Variants in CDH9 observed in about 807,000 individuals in gnomAD.
CDH9 encodes the protein cadherin 9.
CDH9 carries 28 observed loss-of-function variants against 70.9 expected under a neutral mutation model. The ratio of observed to expected loss-of-function variants is 0.40; its 90% confidence interval spans 0.29 to 0.54. CDH9 has a LOEUF of 0.54. Among genes scored for constraint, CDH9 ranks in the 20% least tolerant of loss-of-function variants. The pLI is 0.59. For synonymous variants in CDH9, 409 were observed against 343.1 expected (o/e 1.19, Z -2.12); for missense variants, 874 against 984.4 (o/e 0.89, Z 1.50).
chr5:26,980,395 T>C (rs1379720464), intron 2 of CDH9, among the ~76,000 whole-genome samples: 2 of 152,110 alleles, frequency 1.3e-5, no homozygotes, highest in East Asian at 3.9e-4. Flanking sequence ...GAATATTTAC[T>C]GAGTAAATTT....
intron 2 of CDH9, among the ~76,000 whole-genome samples, chr5:26,973,960 T>C (rs1742262644): frequency 6.6e-6 from 1 of 152,178 alleles, no homozygotes; most frequent in South Asian, 2.1e-4. Flanking sequence ...AAAGGCTGTC[T>C]ATAGCTGGGT....
chr5:26,954,410 A>G (rs886808569), intron 2 of CDH9, among the ~76,000 whole-genome samples: 1 of 2,498 alleles, frequency 4.0e-4, no homozygotes, highest in Non-Finnish European at 1.2e-3. Flanking sequence ...TTTGAGACAT[A>G]GTCTCGCTCT....
chr5:26,952,472 A>C (rs1461079403), intron 2 of CDH9, among the ~76,000 whole-genome samples: 1 of 133,038 alleles, frequency 7.5e-6, no homozygotes, highest in Non-Finnish European at 1.6e-5. Flanking sequence ...AAAAAAAAAA[A>C]AAAAAAAAAA....
chr5:26,891,399 C>A (rs1274450403), intron 7 of CDH9, among the ~76,000 whole-genome samples: 1 of 152,168 alleles, frequency 6.6e-6, no homozygotes, highest in Non-Finnish European at 1.5e-5. Flanking sequence ...AATGGGAAGA[C>A]CAGGTGCGGT....
chr5:26,919,851 A>C (rs930207202), intron 2 of CDH9, among the ~76,000 whole-genome samples: 2 of 152,114 alleles, frequency 1.3e-5, no homozygotes, highest in Non-Finnish European at 2.9e-5. Flanking sequence ...TCATCTGCTG[A>C]CTAAAGGAGC....
intron 1 of CDH9, among the ~76,000 whole-genome samples, chr5:27,013,577 C>T (rs116338354): frequency 0.023 from 3,554 of 151,934 alleles, 60 homozygotes; most frequent in Non-Finnish European, 0.036. Context: ...TCTCCATGAT[C>T]GTGCCATGGG....
At chr5:27,013,364 C>T (rs1484981151) in intron 1 of CDH9, among the ~76,000 whole-genome samples, 2 of 151,932 alleles carry the variant, frequency 1.3e-5, no homozygotes, top group African/African-American at 4.8e-5. Context: ...CCATGAATTG[C>T]TGTCTGCTAA....
At chr5:27,030,547 C>T (rs999822260) in intron 1 of CDH9, among the ~76,000 whole-genome samples, 2 of 149,534 alleles carry the variant, frequency 1.3e-5, no homozygotes, top group Non-Finnish European at 3.0e-5. Flanking sequence ...AAAAGCTGTA[C>T]TGAAGTCAAG....
intron 2 of CDH9, among the ~76,000 whole-genome samples, chr5:26,920,740 C>A (rs1003330995): frequency 6.6e-6 from 1 of 152,096 alleles, no homozygotes; most frequent in African/African-American, 2.4e-5. Flanking sequence ...CACTCAAGAC[C>A]ACCAAAGCAG....
chr5:26,999,540 T>C (rs1242189761), intron 1 of CDH9, among the ~76,000 whole-genome samples: 1 of 152,090 alleles, frequency 6.6e-6, no homozygotes, highest in Non-Finnish European at 1.5e-5. Context: ...GACGATAGGG[T>C]CATTAAATAG....
At chr5:26,903,103 C>A in intron 6 of CDH9, 1 of 190,322 alleles carries the variant, frequency 5.3e-6, no homozygotes, top group Non-Finnish European at 1.1e-5. Context: ...AAAATTATTT[C>A]TACTTCAATT....
chr5:27,000,109 G>C (rs993686341), intron 1 of CDH9, among the ~76,000 whole-genome samples: 3 of 151,980 alleles, frequency 2.0e-5, no homozygotes, highest in Non-Finnish European at 2.9e-5. Flanking sequence ...AGGCAGACTG[G>C]AAGAAAATAT....
At chr5:26,957,432 C>T (rs554202910) in intron 2 of CDH9, among the ~76,000 whole-genome samples, 5 of 152,140 alleles carry the variant, frequency 3.3e-5, no homozygotes, top group Admixed American at 3.3e-4. Flanking sequence ...GAGGCCAAGG[C>T]GGGCAGATCA....
intron 2 of CDH9, among the ~76,000 whole-genome samples, chr5:26,944,475 C>T (rs1741713817): frequency 6.6e-6 from 1 of 151,918 alleles, no homozygotes; most frequent in Non-Finnish European, 1.5e-5. Flanking sequence ...ACATAGAAGA[C>T]CCCGTTTCCC....
chr5:26,919,740 T>C (rs569736525), intron 2 of CDH9, among the ~76,000 whole-genome samples: 24 of 152,148 alleles, frequency 1.6e-4, no homozygotes, highest in African/African-American at 5.8e-4. Context: ...TCAGTCACAG[T>C]AGGATAGGGC....
intron 2 of CDH9, among the ~76,000 whole-genome samples, chr5:26,935,460 TATA>T (rs1397450009): frequency 1.3e-5 from 2 of 152,156 alleles, no homozygotes; most frequent in Admixed American, 6.5e-5. Context: ...TTTGTGCACA[TATA>T]ATATGATTGT....
Position 27,006,415 on chromosome 5 carries a change from G to A in CDH9, c.-49-18033C>T, listed in dbSNP as rs186447367. Among the ~76,000 whole-genome samples, 225 of 152,212 alleles carry A rather than the reference G, an allele frequency of 1.5e-3. 2 individuals are homozygous for A. The highest frequency in any genetic ancestry group is 0.014 in the Middle Eastern group (4 of 294). On this transcript the variant is annotated intron_variant, in intron 1 of 11. Transcript: ENST00000231021. ...TTTAGCCAGTGTGAAGCACAGGCAG[G>A]AGATCAAGGGTAGGAGGAGAGGAGT...
intron 2 of CDH9, among the ~76,000 whole-genome samples, chr5:26,935,418 A>T (rs990123250): frequency 2.0e-5 from 3 of 152,166 alleles, no homozygotes; most frequent in Non-Finnish European, 4.4e-5. Flanking sequence ...AATAATAAGT[A>T]CACAGATTGT....
At chr5:26,998,969 G>T (rs993288340) in intron 1 of CDH9, among the ~76,000 whole-genome samples, 1 of 151,810 alleles carries the variant, frequency 6.6e-6, no homozygotes, top group African/African-American at 2.4e-5. Flanking sequence ...ACATGAGGCC[G>T]GGCGTGGTGG....
Sources: allele counts gnomAD v4.1 joint callset (sites outside exome capture counted in the v4.1 genomes callset), GRCh38; gene constraint gnomAD v4.1.1; transcripts MANE v1.5; gene names NCBI Gene and HGNC (gene_info 2026-07-23, HGNC 2026-07-21).